PPFIA1: variants seen among roughly 807,000 people sequenced by gnomAD.
The protein encoded by PPFIA1 is liprin-alpha-1.
In PPFIA1, 25 loss-of-function variants were observed where a neutral mutation model predicts 149.9. That is an observed-to-expected ratio of 0.17 (90% CI 0.12 to 0.23). The LOEUF is 0.23. Ranked by LOEUF, PPFIA1 falls within the 10% of genes least tolerant of loss-of-function variation. The pLI, the probability that PPFIA1 is intolerant of heterozygous loss-of-function variation, is 1.00. For missense variants in PPFIA1, 1,362 were observed against 1,506.5 expected (o/e 0.90, Z 1.59); for synonymous variants, 549 against 552.8 (o/e 0.99, Z 0.10).
At chr11:70,375,132 G>T (rs139299633) in intron 24 of PPFIA1, 39 bp downstream of exon 24, 4 of 1,213,728 alleles carry the variant, frequency 3.3e-6, no homozygotes, top group Non-Finnish European at 4.3e-6. Context: ...TCATTGTTCA[G>T]TTGGCACCCT....
At chr11:70,380,395 A>G (rs1309365451) in intron 26 of PPFIA1, among the ~76,000 whole-genome samples, 6 of 150,946 alleles carry the variant, frequency 4.0e-5, no homozygotes, top group Non-Finnish European at 5.9e-5. Context: ...GTGAAACTCC[A>G]TCTCTACTAA....
intron 2 of PPFIA1, among the ~76,000 whole-genome samples, chr11:70,307,057 T>C (rs778335409): frequency 6.6e-6 from 1 of 152,258 alleles, no homozygotes; most frequent in South Asian, 2.1e-4. Flanking sequence ...GAATGGAGAA[T>C]GGATCTGAAA....
rs1035954862 is a variant in PPFIA1 at position 70,270,912 on chromosome 11, A to G, written c.-3A>G. On this transcript the variant is annotated splice_region_variant and 5_prime_UTR_variant, in exon 1 of 28. Transcript: ENST00000253925. ...TCCTCGCCCGCTCCCGCCGGCGAGC[A>G]AGGTAAGGGAGCGGGACACTGAGGC... is the stretch of plus-strand genomic sequence containing the variant. 6.6e-6 allele frequency: 1 copy of G among 151,218 alleles called. No homozygotes were observed. The highest frequency in any genetic ancestry group is 2.4e-5 in the African/African-American group (1 of 41,320). 9.4% of individuals were successfully genotyped at this position (151,218 alleles called of 1,614,324 possible).
chr11:70,350,030 G>A (rs938236110), intron 16 of PPFIA1: 3 of 446,472 alleles, frequency 6.7e-6, no homozygotes, highest in Non-Finnish European at 1.3e-5. Flanking sequence ...ATTCTTCACA[G>A]CATGCTCAGG....
In PPFIA1 at chr11:70,382,239, G is replaced by A. The variant is rs2057739656; in HGVS notation, c.*12+81G>A. The A allele has an allele frequency of 3.7e-6, 4 of 1,084,152 alleles. 1 individual carries two copies. The highest frequency in any genetic ancestry group is 5.5e-6 in the Non-Finnish European group (4 of 732,022). 67.2% of individuals were successfully genotyped at this position (1,084,152 alleles called of 1,614,324 possible). A position where few individuals can be genotyped will look rare whatever the true frequency, so the allele number is the denominator to read the frequency against. Reference sequence around the variant, plus strand: ...TCGGAGCTGCAGTGCCAGACTAGGGGTGTGGACCATGAAAGCCAGTGCAGT... The same window carrying A: ...TCGGAGCTGCAGTGCCAGACTAGGGATGTGGACCATGAAAGCCAGTGCAGT... On this transcript the variant is annotated intron_variant, in intron 27 of 27. Coordinates refer to ENST00000253925, the MANE Select transcript of PPFIA1 (RefSeq NM_003626.5).
chr11:70,378,267 T>C (rs1028354440), intron 26 of PPFIA1, 72 bp downstream of exon 26: 20 of 1,547,008 alleles, frequency 1.3e-5, no homozygotes, highest in Non-Finnish European at 1.7e-5. Context: ...ACATTAATAA[T>C]GATCTAAAAC....
chr11:70,295,832 C>T (rs2051950756), intron 2 of PPFIA1, among the ~76,000 whole-genome samples: 1 of 151,942 alleles, frequency 6.6e-6, no homozygotes, highest in South Asian at 2.1e-4. Flanking sequence ...GGAGACGCTC[C>T]TCACTTCCCA....
At chr11:70,368,059 G>T (rs78931898) in intron 21 of PPFIA1, among the ~76,000 whole-genome samples, 1 of 152,120 alleles carries the variant, frequency 6.6e-6, no homozygotes, top group Non-Finnish European at 1.5e-5. Flanking sequence ...AATCGCTTGA[G>T]CCCGGAAAGT....
rs561944106 is a variant in PPFIA1 at position 70,349,877 on chromosome 11, G to A, written c.2163+1457G>A. 4.1e-4 allele frequency: 187 copies of A among 454,862 alleles called. 1 individual carries two copies. The highest frequency in any genetic ancestry group is 3.1e-3 in the African/African-American group (155 of 50,044). The allele number at this position is 454,862 out of a possible 1,614,324, so 28.2% of individuals were successfully genotyped here. A position where few individuals can be genotyped will look rare whatever the true frequency, so the allele number is the denominator to read the frequency against. ...GCTGGCTGACAGTCTCTATGCTTCCGTCATTGGTTTTGATTTCCTGTCATC... is the reference window on the plus strand; with the variant it reads ...GCTGGCTGACAGTCTCTATGCTTCCATCATTGGTTTTGATTTCCTGTCATC... On this transcript the variant is annotated intron_variant, in intron 16 of 27. Transcript: ENST00000253925.
At chr11:70,284,709 C>G (rs962215637) in intron 2 of PPFIA1, among the ~76,000 whole-genome samples, 1 of 152,118 alleles carries the variant, frequency 6.6e-6, no homozygotes, top group Admixed American at 6.6e-5. Flanking sequence ...TAAGAGGAAC[C>G]AGGTATGAGA....
rs1297009052 is a variant in PPFIA1 at position 70,362,384 on chromosome 11, C to A, written c.2761C>A (p.Arg921Ser). 6.8e-6 allele frequency: 11 copies of A among 1,614,102 alleles called. No individual in the cohort carries two copies. The highest frequency in any genetic ancestry group is 9.3e-6 in the Non-Finnish European group (11 of 1,180,046). The part of the protein sequence containing the change: ...MSALSDTEIQ[R>S]EIGISNPLHR... The stretch of plus-strand genomic sequence containing the variant: ...GGCCCTGTCCGACACAGAGATCCAG[C>A]GTGAGATTGGCATCAGCAACCCCCT... The change falls in exon 21 of 28, where the codon CGT becomes AGT. Residue 921 changes from arginine to serine, a missense_variant. This residue lies in a region of PPFIA1 where 349 missense variants were observed against 373.3 expected (regional missense o/e 0.93). Coordinates refer to ENST00000253925, the MANE Select transcript of PPFIA1 (RefSeq NM_003626.5).
At chr11:70,330,072 T>G in intron 7 of PPFIA1, 101 bp from the exon 8 acceptor site, 12 of 1,125,054 alleles carry the variant, frequency 1.1e-5, no homozygotes, top group Non-Finnish European at 1.4e-5. Flanking sequence ...TTAATTTGAT[T>G]GGAAATTTGG....
chr11:70,291,725 G>A (rs971471922), intron 2 of PPFIA1, among the ~76,000 whole-genome samples: 3 of 151,992 alleles, frequency 2.0e-5, no homozygotes, highest in Admixed American at 1.3e-4. Flanking sequence ...TCTGGAGTGC[G>A]GTGGCATGGT....
chr11:70,326,577 T>G lies in PPFIA1; in HGVS notation c.709-20T>G. The G allele has an allele frequency of 6.6e-7, 1 of 1,514,048 alleles. No individual in the cohort carries two copies. Among genetic ancestry groups the G allele is most frequent in the Non-Finnish European group, 9.0e-7 (1 of 1,107,086 alleles). 93.8% of individuals were successfully genotyped at this position (1,514,048 alleles called of 1,614,324 possible). The stretch of plus-strand genomic sequence containing the variant: ...CTCACCAAACAAGGGTATTTAAGGA[T>G]TTTTTTTTCCCCCTATCAGAGATCT... On this transcript the variant is annotated intron_variant, in intron 6 of 27. Transcript: ENST00000253925.
intron 12 of PPFIA1, 127 bp from the exon 13 acceptor site, chr11:70,338,247 A>C: frequency 1.4e-6 from 1 of 721,672 alleles, no homozygotes; most frequent in East Asian, 2.5e-5. Context: ...CAGAATTAAA[A>C]TGTTTGGTAT....
At chr11:70,331,238 A>T (rs1027666963) in intron 8 of PPFIA1, among the ~76,000 whole-genome samples, 2 of 151,860 alleles carry the variant, frequency 1.3e-5, no homozygotes, top group African/African-American at 4.8e-5. Flanking sequence ...CCGTCTCAAA[A>T]AAAAAAAAAA....
chr11:70,298,488 A>G (rs2052245581), intron 2 of PPFIA1, among the ~76,000 whole-genome samples: 1 of 152,150 alleles, frequency 6.6e-6, no homozygotes, highest in South Asian at 2.1e-4. Flanking sequence ...AATGCCTGGC[A>G]CTTTCTTTTT....
chr11:70,308,744 CAACAT>C (rs2053050927), intron 2 of PPFIA1, among the ~76,000 whole-genome samples: 1 of 151,854 alleles, frequency 6.6e-6, no homozygotes, highest in Admixed American at 6.6e-5. Flanking sequence ...CCAGTCTGGG[CAACAT>C]AACATCTCTT....
intron 2 of PPFIA1, among the ~76,000 whole-genome samples, chr11:70,296,718 G>A (rs1169803078): frequency 7.1e-6 from 1 of 140,828 alleles, no homozygotes; most frequent in Non-Finnish European, 1.5e-5. Flanking sequence ...ACCATGGGGA[G>A]AGGGAGAGGA....
Sources: gnomAD v4.1 joint callset for allele counts (sites outside exome capture counted in the v4.1 genomes callset) on GRCh38, gnomAD v4.1.1 for gene constraint, gnomAD v4.1.1 regional missense constraint, MANE v1.5 for transcripts, NCBI Gene and HGNC (gene_info 2026-07-23, HGNC 2026-07-21) for gene names.